MARVELD3: variants seen among roughly 807,000 people sequenced by gnomAD.
MARVELD3 encodes the protein MARVEL domain-containing protein 3.
A neutral mutation model predicts 33.5 loss-of-function variants in MARVELD3; 28 were observed. That is an observed-to-expected ratio of 0.84 (90% CI 0.62 to 1.15). MARVELD3 has a LOEUF of 1.15. Ranked by LOEUF, MARVELD3 falls within the 50% of genes most tolerant of loss-of-function variation. The pLI, the probability that MARVELD3 is intolerant of heterozygous loss-of-function variation, is 0.00. For synonymous variants in MARVELD3, 241 were observed against 230.4 expected (o/e 1.05, Z -0.42); for missense variants, 582 against 547.6 (o/e 1.06, Z -0.63).
Position 71,634,230 on chromosome 16 carries a change from G to A in MARVELD3, c.633G>A (p.Leu211=). 1 of 1,609,950 alleles carries A rather than the reference G, an allele frequency of 6.2e-7. No individual in the cohort carries two copies. The highest frequency in any genetic ancestry group is 8.5e-7 in the Non-Finnish European group (1 of 1,176,594). The change falls in exon 3 of 3, where the codon CTG becomes CTA. Residue 211 remains leucine, a synonymous_variant. Coordinates refer to ENST00000268485, the MANE Select transcript of MARVELD3 (RefSeq NM_052858.6). Reference sequence around the variant, plus strand: ...TGCTGGAGGTTCTCCTGAACTTGCTGATCCTGGCCTGCAGCTCTGTGTCTT... The same window carrying A: ...TGCTGGAGGTTCTCCTGAACTTGCTAATCCTGGCCTGCAGCTCTGTGTCTT... ...CQMLEVLLNL[L]ILACSSVSYS... is the part of the protein sequence containing the mutation.
Position 71,632,397 on chromosome 16 carries a change from G to A in MARVELD3, c.596-1796G>A, listed in dbSNP as rs80147459. On this transcript the variant is annotated intron_variant, in intron 2 of 2. Coordinates refer to ENST00000268485, the MANE Select transcript of MARVELD3 (RefSeq NM_052858.6). Reference sequence around the variant, plus strand: ...AAAGCAGCCAGTTTTCTTTGTCCAAGATAAAGAAGCCAAGGGACCGGGAAG... The same window carrying A: ...AAAGCAGCCAGTTTTCTTTGTCCAAAATAAAGAAGCCAAGGGACCGGGAAG... Among the ~76,000 whole-genome samples the A allele has an allele frequency of 2.6e-4, 40 of 152,220 alleles. No individual in the cohort carries two copies. In the East Asian group the frequency reaches 6.9e-3, roughly 26 times the overall value.
downstream of MARVELD3, chr16:71,641,289 C>T (rs1269309217): frequency 2.4e-6 from 1 of 411,634 alleles, no homozygotes; most frequent in Non-Finnish European, 4.4e-6. Flanking sequence ...CCTGTCTCTA[C>T]TAAAAATACA....
chr16:71,639,500 G>T (rs1267293115), downstream of MARVELD3, among the ~76,000 whole-genome samples: 2 of 144,902 alleles, frequency 1.4e-5, no homozygotes, highest in African/African-American at 5.1e-5. Context: ...AGACTGGAGT[G>T]CAGTGGCATG....
At chr16:71,629,773 G>A (rs2044510469) in intron 2 of MARVELD3, 1 of 441,348 alleles carries the variant, frequency 2.3e-6, no homozygotes. Flanking sequence ...CCAGGTGGAA[G>A]TGCAGAGGCC....
At chr16:71,629,637 T>C in intron 2 of MARVELD3, 143 bp downstream of exon 2, 1 of 548,222 alleles carries the variant, frequency 1.8e-6, no homozygotes. Flanking sequence ...AGGTTCTTGT[T>C]TTCTTAAAAA....
downstream of MARVELD3, chr16:71,640,365 A>C (rs770462461): frequency 1.9e-6 from 3 of 1,608,092 alleles, no homozygotes; most frequent in Admixed American, 5.0e-5. Flanking sequence ...TGTCAGTGTT[A>C]AAGCCCGAAT....
At position 71,634,856 on chromosome 16, in the gene MARVELD3, C is replaced by CCACT; in HGVS notation, c.*54_*57dup. 1.3e-6 allele frequency: 2 copies of CCACT among 1,523,404 alleles called. No homozygotes were observed. Among genetic ancestry groups the CCACT allele is most frequent in the Non-Finnish European group, 1.8e-6 (2 of 1,138,452 alleles). 94.4% of individuals were successfully genotyped at this position (1,523,404 alleles called of 1,614,324 possible). A position where few individuals can be genotyped will look rare whatever the true frequency, so the allele number is the denominator to read the frequency against. On this transcript the variant is annotated 3_prime_UTR_variant, in exon 3 of 3. Coordinates refer to ENST00000268485, the MANE Select transcript of MARVELD3 (RefSeq NM_052858.6). The stretch of plus-strand genomic sequence containing the variant: ...AAGTGGTGGTGGAAGGTAGTCTGAG[C>CCACT]CACTGCCTTTCCCAAGAATCCCTTG...
chr16:71,626,846 C>A lies in MARVELD3; in HGVS notation c.467+150C>A, dbSNP rs2044478411. 2 of 685,848 alleles carry A rather than the reference C, an allele frequency of 2.9e-6. No homozygotes were observed. Among genetic ancestry groups the A allele is most frequent in the South Asian group, 5.8e-5 (2 of 34,572 alleles). The allele number at this position is 685,848 out of a possible 1,614,324, so 42.5% of individuals were successfully genotyped here. A position where few individuals can be genotyped will look rare whatever the true frequency, so the allele number is the denominator to read the frequency against. Reference sequence around the variant, plus strand: ...CTCCCTTCTGCGCTCTCAGAGGCGACCTGGCAGGGAAGGAAAACTTTAGGG... The same window carrying A: ...CTCCCTTCTGCGCTCTCAGAGGCGAACTGGCAGGGAAGGAAAACTTTAGGG... On this transcript the variant is annotated intron_variant, in intron 1 of 2. Transcript: ENST00000268485. The surrounding 1 kb of genome is among the most constrained non-coding windows in gnomAD (Gnocchi z 5.3).
At chr16:71,636,705 C>G (rs911870478), downstream of MARVELD3, among the ~76,000 whole-genome samples, 11 of 152,166 alleles carry the variant, frequency 7.2e-5, no homozygotes, top group African/African-American at 2.7e-4. Flanking sequence ...GTCCTCCCAC[C>G]TTAGCCTCCC....
Position 71,626,496 on chromosome 16 carries a change from C to A in MARVELD3, c.267C>A (p.Pro89=). The A allele has an allele frequency of 6.5e-7, 1 of 1,549,818 alleles. No homozygotes were observed. The highest frequency in any genetic ancestry group is 1.2e-5 in the South Asian group (1 of 84,046). The change falls in exon 1 of 3, where the codon CCC becomes CCA. Residue 89 remains proline, a synonymous_variant. Transcript: ENST00000268485. The surrounding 1 kb of genome is among the most constrained non-coding windows in gnomAD (Gnocchi z 5.3). ...RERERDPDRG[P]RRDTHRDAGP... is the part of the protein sequence containing the mutation. ...GGGAAAGAGACCCGGACCGAGGCCC[C>A]CGCCGGGACACACACAGGGACGCGG...
chr16:71,627,077 CCCTTGT>C (rs2145270032), intron 1 of MARVELD3, among the ~76,000 whole-genome samples: 1 of 152,320 alleles, frequency 6.6e-6, no homozygotes, highest in East Asian at 1.9e-4. Flanking sequence ...GGGGTTCAGA[CCCTTGT>C]CCCGTGTTCC....
At chr16:71,638,321 C>T (rs1271816422), downstream of MARVELD3, 5 of 152,290 alleles carry the variant, frequency 3.3e-5, no homozygotes, top group African/African-American at 1.2e-4. Context: ...TCCATCCATA[C>T]AATGAAGTCG....
In MARVELD3 at chr16:71,626,709, G is replaced by C. The variant is rs945198185; in HGVS notation, c.467+13G>C. ...GCAGACCCGAAAGGTGAGAGGGGCCGGGGCGCTGCGACCTCCGCGCCGGGG... is the reference window on the plus strand; with the variant it reads ...GCAGACCCGAAAGGTGAGAGGGGCCCGGGCGCTGCGACCTCCGCGCCGGGG... On this transcript the variant is annotated intron_variant, in intron 1 of 2. Coordinates refer to ENST00000268485, the MANE Select transcript of MARVELD3 (RefSeq NM_052858.6). This position sits in a 1 kb window ranked among gnomAD's most constrained non-coding sequence, Gnocchi z 5.3. 2.4e-5 allele frequency: 34 copies of C among 1,440,020 alleles called. No individual in the cohort carries two copies. Among genetic ancestry groups the C allele is most frequent in the Non-Finnish European group, 2.9e-5 (32 of 1,104,170 alleles). The allele number at this position is 1,440,020 out of a possible 1,614,324, so 89.2% of individuals were successfully genotyped here.
At chr16:71,630,447 G>T (rs2044522457) in intron 2 of MARVELD3, among the ~76,000 whole-genome samples, 1 of 151,986 alleles carries the variant, frequency 6.6e-6, no homozygotes, top group South Asian at 2.1e-4. Context: ...CTAACATGGA[G>T]AAACCCTGTC....
At chr16:71,634,043 A>T in intron 2 of MARVELD3, 150 bp from the exon 3 acceptor site, 1 of 1,223,994 alleles carries the variant, frequency 8.2e-7, no homozygotes, top group Non-Finnish European at 1.1e-6. Flanking sequence ...ACTGCCCCCT[A>T]GTTTTAATCG....
Position 71,635,704 on chromosome 16 carries a change from T to G in MARVELD3, c.*901T>G. Reference sequence around the variant, plus strand: ...CTAAAACACAGTTGTCTCAAGCAGATTACTCCACACGTTTTTCCACACTGA... The same window carrying G: ...CTAAAACACAGTTGTCTCAAGCAGAGTACTCCACACGTTTTTCCACACTGA... On this transcript the variant is annotated 3_prime_UTR_variant, in exon 3 of 3. Transcript: ENST00000268485. The G allele has an allele frequency of 1.0e-6, 1 of 985,310 alleles. No homozygotes were observed. Among genetic ancestry groups the G allele is most frequent in the Non-Finnish European group, 1.2e-6 (1 of 829,944 alleles). The allele number at this position is 985,310 out of a possible 1,614,324, so 61.0% of individuals were successfully genotyped here.
chr16:71,628,180 A>G (rs1355410026), intron 1 of MARVELD3, among the ~76,000 whole-genome samples: 1 of 152,224 alleles, frequency 6.6e-6, no homozygotes, highest in African/African-American at 2.4e-5. Context: ...ACTAAAGCCC[A>G]TTGCACTTGC....
chr16:71,627,533 C>T (rs562413216), intron 1 of MARVELD3, among the ~76,000 whole-genome samples: 25 of 151,236 alleles, frequency 1.7e-4, no homozygotes, highest in Admixed American at 7.2e-4. Flanking sequence ...AGATGGGAGA[C>T]GCTACATTTT....
rs533516832 is a variant in MARVELD3 at position 71,635,832 on chromosome 16, G to A, written c.*1029G>A. On this transcript the variant is annotated 3_prime_UTR_variant, in exon 3 of 3. Transcript: ENST00000268485. Reference sequence around the variant, plus strand: ...GAAGTTGGAGGTAGGCGTGGGCTGAGGAAAGAGGAATCAGATTAATTCTCT... The same window carrying A: ...GAAGTTGGAGGTAGGCGTGGGCTGAAGAAAGAGGAATCAGATTAATTCTCT... The A allele has an allele frequency of 7.1e-6, 7 of 985,394 alleles. No homozygotes were observed. The South Asian group carries it at 3.3e-4, about 46-fold the overall frequency. 61.0% of individuals were successfully genotyped at this position (985,394 alleles called of 1,614,324 possible).
Sources: allele counts gnomAD v4.1 joint callset (sites outside exome capture counted in the v4.1 genomes callset), GRCh38; gene constraint gnomAD v4.1.1; non-coding constraint Gnocchi (gnomAD v3.1); transcripts MANE v1.5; gene names NCBI Gene and HGNC (gene_info 2026-07-23, HGNC 2026-07-21).